Variants in PTPRN2 observed in about 807,000 individuals in gnomAD.
The protein encoded by PTPRN2 is protein tyrosine phosphatase receptor type N2, also known as receptor-type tyrosine-protein phosphatase N2.
In PTPRN2, 74 loss-of-function variants were observed where a neutral mutation model predicts 118.8. That is an observed-to-expected ratio of 0.62 (90% confidence interval 0.52 to 0.76). PTPRN2 has a LOEUF of 0.76. Ranked by LOEUF, PTPRN2 falls within the 30% of genes least tolerant of loss-of-function variation. The pLI is 0.00. For missense variants in PTPRN2, 1,481 were observed against 1,394.4 expected, an observed-to-expected ratio of 1.06 and a Z score of -0.99; for synonymous variants, 641 against 608.0, an observed-to-expected ratio of 1.05 and a Z score of -0.80.
chr7:158,505,698 T>C (rs954307987), intron 1 of PTPRN2, among the ~76,000 whole-genome samples: 1 of 92,012 alleles, frequency 1.1e-5, no homozygotes, highest in African/African-American at 4.2e-5. Context: ...GAGTGTGAAG[T>C]AGGAGGGAAC....
intron 11 of PTPRN2, among the ~76,000 whole-genome samples, chr7:157,905,435 C>A (rs777814707): frequency 6.6e-6 from 1 of 152,100 alleles, no homozygotes; most frequent in Non-Finnish European, 1.5e-5. Flanking sequence ...AGAGAAAGCC[C>A]GTTTTTATCT....
intron 3 of PTPRN2, among the ~76,000 whole-genome samples, chr7:158,268,005 G>A (rs1434795969): frequency 1.3e-5 from 2 of 152,194 alleles, no homozygotes; most frequent in African/African-American, 2.4e-5. Context: ...CAGAGATGCT[G>A]CCCCAGTGAC....
At chr7:158,519,663 A>C (rs938307459) in intron 1 of PTPRN2, among the ~76,000 whole-genome samples, 1 of 152,170 alleles carries the variant, frequency 6.6e-6, no homozygotes, top group African/African-American at 2.4e-5. Context: ...TCTAGTGGCC[A>C]TACAACATCC....
chr7:158,331,265 T>G (rs1804373553), intron 2 of PTPRN2, among the ~76,000 whole-genome samples: 1 of 148,692 alleles, frequency 6.7e-6, no homozygotes, highest in East Asian at 2.0e-4. Flanking sequence ...ACTCTCACCA[T>G]AAGAGCTGAC....
intron 1 of PTPRN2, among the ~76,000 whole-genome samples, chr7:158,521,171 T>A (rs1823963251): frequency 6.6e-6 from 1 of 152,202 alleles, no homozygotes; most frequent in African/African-American, 2.4e-5. Context: ...TATTGTTGTA[T>A]TGTTATTTTA....
intron 11 of PTPRN2, among the ~76,000 whole-genome samples, chr7:158,018,495 T>A (rs1030969982): frequency 6.6e-6 from 1 of 152,224 alleles, no homozygotes; most frequent in Admixed American, 6.5e-5. Context: ...TAGCCTATAC[T>A]AGTGACGTGC....
At chr7:158,257,976 G>A (rs1307899632) in intron 3 of PTPRN2, among the ~76,000 whole-genome samples, 1 of 152,240 alleles carries the variant, frequency 6.6e-6, no homozygotes, top group East Asian at 1.9e-4. Context: ...TCTCATCATA[G>A]CTACCTTCTA....
At chr7:158,366,135 GCA>G (rs1809484432) in intron 2 of PTPRN2, among the ~76,000 whole-genome samples, 1 of 117,758 alleles carries the variant, frequency 8.5e-6, no homozygotes, top group Non-Finnish European at 1.7e-5. Flanking sequence ...GCGTGCACAT[GCA>G]CACACACCCA....
chr7:157,611,117 G>A lies in PTPRN2; in HGVS notation c.2345-7042C>T, dbSNP rs542258186. Among the ~76,000 whole-genome samples the A allele has an allele frequency of 3.1e-4, 47 of 152,334 alleles. No homozygotes were observed. The highest frequency in any genetic ancestry group is 5.6e-4 in the Non-Finnish European group (38 of 68,038). On this transcript the variant is annotated intron_variant, in intron 15 of 22. Transcript: ENST00000389418. This position sits in a 1 kb window ranked among gnomAD's most constrained non-coding sequence, Gnocchi z 5.9. ...CTGGTGTCCGGCTTCCACACTGGACGCGTCAAAAGCAGGTCCCAGAGGAGC... is the reference window on the plus strand; with the variant it reads ...CTGGTGTCCGGCTTCCACACTGGACACGTCAAAAGCAGGTCCCAGAGGAGC...
chr7:157,804,022 GC>G (rs1805477682), intron 12 of PTPRN2, among the ~76,000 whole-genome samples: 4 of 152,212 alleles, frequency 2.6e-5, no homozygotes, highest in Admixed American at 2.6e-4. Flanking sequence ...AGAAACATAT[GC>G]AAGAGTAGAT....
intron 1 of PTPRN2, among the ~76,000 whole-genome samples, chr7:158,573,850 G>A (rs1017298817): frequency 2.6e-5 from 4 of 152,208 alleles, no homozygotes; most frequent in Non-Finnish European, 5.9e-5. Context: ...GGTGCCAGAA[G>A]AGTGGGCCCC....
At chr7:158,430,095 A>G (rs955093842) in intron 2 of PTPRN2, among the ~76,000 whole-genome samples, 4 of 152,030 alleles carry the variant, frequency 2.6e-5, no homozygotes, top group African/African-American at 9.7e-5. Context: ...TTTAGTAGAG[A>G]TGGGGTTTCA....
chr7:157,574,616 G>A (rs1799926897), intron 19 of PTPRN2, among the ~76,000 whole-genome samples: 1 of 152,046 alleles, frequency 6.6e-6, no homozygotes. Flanking sequence ...GCTCCCTCTG[G>A]GCTCCAGAAA....
chr7:157,747,478 G>A (rs115957818), intron 12 of PTPRN2, among the ~76,000 whole-genome samples: 2 of 106,168 alleles, frequency 1.9e-5, no homozygotes, highest in Non-Finnish European at 3.5e-5. Context: ...GGGTGTCCGC[G>A]TGATTCTGAG....
chr7:158,320,555 C>T (rs950840831), intron 2 of PTPRN2, among the ~76,000 whole-genome samples: 58 of 143,460 alleles, frequency 4.0e-4, no homozygotes, highest in South Asian at 3.1e-3. Context: ...TCCTCGGCAG[C>T]GCCGGGTGGC....
intron 2 of PTPRN2, among the ~76,000 whole-genome samples, chr7:158,441,144 ATGG>A (rs1450777883): frequency 3.6e-5 from 5 of 139,282 alleles, no homozygotes; most frequent in East Asian, 4.3e-4. Flanking sequence ...AGTGGTAGTG[ATGG>A]TGGTGATAGT....
intron 12 of PTPRN2, among the ~76,000 whole-genome samples, chr7:157,797,823 A>T (rs1282970770): frequency 1.3e-5 from 2 of 152,192 alleles, no homozygotes; most frequent in Non-Finnish European, 2.9e-5. Context: ...TGTCTTTAGC[A>T]TCCTTTGTAG....
In PTPRN2 at chr7:157,550,117, C is replaced by T. The variant is rs1004871917; in HGVS notation, c.2903-1098G>A. ...CCAGGCCTTTCTCTCCGGCCGCAACCTGAGTGCACACCACATTCCTCGCCC... is the reference window on the plus strand; with the variant it reads ...CCAGGCCTTTCTCTCCGGCCGCAACTTGAGTGCACACCACATTCCTCGCCC... On this transcript the variant is annotated intron_variant, in intron 21 of 22. Transcript: ENST00000389418. The surrounding 1 kb of genome is among the most constrained non-coding windows in gnomAD (Gnocchi z 5.2). 6.6e-6 allele frequency among the ~76,000 whole-genome samples: 1 copy of T among 152,246 alleles called. No homozygotes were observed. The highest frequency in any genetic ancestry group is 2.4e-5 in the African/African-American group (1 of 41,460).
intron 14 of PTPRN2, among the ~76,000 whole-genome samples, chr7:157,650,480 A>G (rs1023963836): frequency 6.6e-6 from 1 of 152,248 alleles, no homozygotes; most frequent in Non-Finnish European, 1.5e-5. Context: ...CGCAGGCCCC[A>G]CAAAGCTGGA....
Sources: gnomAD v4.1 joint callset for allele counts (sites outside exome capture counted in the v4.1 genomes callset) on GRCh38, gnomAD v4.1.1 for gene constraint, Gnocchi (gnomAD v3.1) non-coding constraint, MANE v1.5 for transcripts, NCBI Gene and HGNC (gene_info 2026-07-23, HGNC 2026-07-21) for gene names.